The following PFKP variants were observed in gnomAD, a reference collection of about 807,000 sequenced individuals.
PFKP encodes phosphofructokinase, platelet, also known as ATP-dependent 6-phosphofructokinase, platelet type.
PFKP carries 101 observed loss-of-function variants against 94.3 expected under a neutral mutation model. The observed-to-expected ratio is 1.07, with a 90% CI of 0.91 to 1.26. The LOEUF is 1.26. PFKP is among the 50% of genes most tolerant of loss of function. The pLI is 0.00. For missense variants in PFKP, 1,145 were observed against 1,103.3 expected (o/e 1.04, Z -0.53); for synonymous variants, 573 against 432.6 (o/e 1.32, Z -4.03).
At chr10:3,067,816 G>C (rs371129323) in intron 1 of PFKP, 109 bp downstream of exon 1, 1 of 469,342 alleles carries the variant, frequency 2.1e-6, no homozygotes, top group African/African-American at 2.0e-5. Flanking sequence ...GCGATGGGGG[G>C]GACCCGGGGA....
rs933831617 is a variant in PFKP at position 3,113,721 on chromosome 10, T to C, written c.1371+203T>C. ...AGGCCCTCAGATGGAGCCCAGGGTA[T>C]GATGTGCTTTTGAATTTTCTGAAAA... On this transcript the variant is annotated intron_variant, in intron 13 of 21. Coordinates refer to ENST00000381125, the MANE Select transcript of PFKP (RefSeq NM_002627.5). Among the ~76,000 whole-genome samples the C allele has an allele frequency of 5.3e-5, 8 of 152,058 alleles. No individual in the cohort carries two copies. In the South Asian group the frequency reaches 8.3e-4, roughly 16 times the overall value.
intron 16 of PFKP, among the ~76,000 whole-genome samples, chr10:3,122,944 G>A (rs564591764): frequency 6.6e-6 from 1 of 152,336 alleles, no homozygotes; most frequent in East Asian, 1.9e-4. Context: ...CATAATAGGA[G>A]TCTGGCTCAG....
chr10:3,115,172 A>ACTT (rs1220355524), intron 13 of PFKP, among the ~76,000 whole-genome samples: 3 of 152,158 alleles, frequency 2.0e-5, no homozygotes, highest in African/African-American at 7.2e-5. Flanking sequence ...CCTGAGACAC[A>ACTT]CTTCTTGCAG....
chr10:3,104,702 T>C, intron 5 of PFKP: 1 of 258,884 alleles, frequency 3.9e-6, no homozygotes, highest in South Asian at 4.4e-5. Context: ...CATTAAGCAC[T>C]TAGTGAGTCT....
In PFKP at chr10:3,097,083, A is replaced by AAAAAAC. The variant is rs1371431545; in HGVS notation, c.187-2191_187-2190insAAAACA. Among the ~76,000 whole-genome samples, 112 of 142,110 alleles carry AAAAAAC rather than the reference A, an allele frequency of 7.9e-4. 17 individuals are homozygous for AAAAAAC. The highest frequency in any genetic ancestry group is 2.9e-3 in the African/African-American group (108 of 37,522). The allele number at this position is 142,110 out of a possible 152,430, so 93.2% of individuals were successfully genotyped here. ...ACACAGCGAGACTCCGTCTCAAAAA[A>AAAAAAC]ACAAAAAACAAAAAAACCTGGGAGT... On this transcript the variant is annotated intron_variant, in intron 2 of 21. Coordinates refer to ENST00000381125, the MANE Select transcript of PFKP (RefSeq NM_002627.5).
rs748090352 is a variant in PFKP at position 3,113,397 on chromosome 10, A to G, written c.1250A>G (p.Asn417Ser). Residue 417 changes from asparagine (N) to serine (S), a missense_variant, in exon 13 of 22, where the codon AAC becomes AGC. Physicochemically the swap from Asn to Ser is conservative, Grantham distance 46. Around this residue, in one of 3 missense-constraint regions of PFKP, gnomAD observed 1,119 missense variants for 1,062.8 expected, o/e 1.05. Coordinates refer to ENST00000381125, the MANE Select transcript of PFKP (RefSeq NM_002627.5). ...PKTNCNVAVI[N>S]VGAPAAGMNA... The stretch of plus-strand genomic sequence containing the variant: ...ACCAATTGCAACGTAGCTGTCATCA[A>G]CGTGGGGGCACCCGCGGCTGGGATG... 6 of 1,596,558 alleles carry G rather than the reference A, an allele frequency of 3.8e-6. No homozygotes were observed. Among genetic ancestry groups the G allele is most frequent in the Non-Finnish European group, 5.1e-6 (6 of 1,169,012 alleles).
At chr10:3,114,530 C>T (rs1186984058) in intron 13 of PFKP, among the ~76,000 whole-genome samples, 3 of 152,190 alleles carry the variant, frequency 2.0e-5, no homozygotes, top group Non-Finnish European at 2.9e-5. Context: ...GTGGAGACTG[C>T]GTTTATAGAT....
chr10:3,099,656 G>A (rs1039069403), intron 3 of PFKP, among the ~76,000 whole-genome samples: 2 of 152,178 alleles, frequency 1.3e-5, no homozygotes, highest in African/African-American at 4.8e-5. Context: ...CCTGAGCTCC[G>A]ACACATCAGA....
intron 17 of PFKP, among the ~76,000 whole-genome samples, chr10:3,130,567 T>C (rs577216327): frequency 1.0e-3 from 156 of 152,166 alleles, no homozygotes; most frequent in African/African-American, 3.3e-3. Flanking sequence ...ACTTGAACAA[T>C]TGTCTTTATT....
intron 10 of PFKP, 107 bp downstream of exon 10, chr10:3,109,587 TACA>T: frequency 7.4e-7 from 1 of 1,353,258 alleles, no homozygotes; most frequent in Non-Finnish European, 1.0e-6. Flanking sequence ...CACGATGCAT[TACA>T]CGGCCTTTCT....
At chr10:3,077,249 CTTTTTTTTTTTCTTT>C (rs1176360034) in intron 1 of PFKP, among the ~76,000 whole-genome samples, 1 of 108,180 alleles carries the variant, frequency 9.2e-6, no homozygotes, top group African/African-American at 3.4e-5. Context: ...CTATTCTTTA[CTTTTTTTTTTTCTTT>C]TTTTTTTTTT....
Position 3,108,751 on chromosome 10 carries a change from C to G in PFKP, c.921C>G (p.His307Gln), listed in dbSNP as rs752473997. 6.2e-7 allele frequency: 1 copy of G among 1,613,898 alleles called. No homozygotes were observed. The highest frequency in any genetic ancestry group is 8.5e-7 in the Non-Finnish European group (1 of 1,179,870). ...ACACACGTGTGACCATCCTCGGGCA[C>G]GTGCAGAGAGGAGGGACCCCTTCGG... Reference protein sequence around the residue: ...GYDTRVTILGHVQRGGTPSAF... With the variant: ...GYDTRVTILGQVQRGGTPSAF... The change falls in exon 9 of 22, where the codon CAC becomes CAG. Residue 307 changes from histidine (H) to glutamine (Q), a missense_variant. Coordinates refer to ENST00000381125, the MANE Select transcript of PFKP (RefSeq NM_002627.5).
chr10:3,106,642 T>C (rs978703464), intron 7 of PFKP, among the ~76,000 whole-genome samples: 23 of 12,204 alleles, frequency 1.9e-3, no homozygotes, highest in East Asian at 9.1e-3. Flanking sequence ...CCTGCCCCTC[T>C]CCTCACCCCT....
At chr10:3,110,704 G>C (rs1836116434) in intron 10 of PFKP, among the ~76,000 whole-genome samples, 1 of 152,120 alleles carries the variant, frequency 6.6e-6, no homozygotes, top group African/African-American at 2.4e-5. Flanking sequence ...GCGCAGGCTT[G>C]TGTCTCTGTG....
In PFKP at chr10:3,104,977, C is replaced by A. The variant is rs906583272; in HGVS notation, c.621-138C>A. 16 of 768,284 alleles carry A rather than the reference C, an allele frequency of 2.1e-5. No individual in the cohort carries two copies. The African/African-American group carries it at 2.5e-4, about 12-fold the overall frequency. The allele number at this position is 768,284 out of a possible 1,614,324, so 47.6% of individuals were successfully genotyped here. ...ATGGACCATTTTTGAAGCCTAGGTC[C>A]CTGCAGGCCTCCTGGCTAACTCGGC... On this transcript the variant is annotated intron_variant, in intron 5 of 21. Transcript: ENST00000381125.
intron 1 of PFKP, among the ~76,000 whole-genome samples, chr10:3,079,523 C>T (rs190496162): frequency 7.9e-5 from 12 of 152,090 alleles, no homozygotes; most frequent in African/African-American, 2.6e-4. Context: ...CGTGAGCCAC[C>T]GTGCCCAGCC....
chr10:3,107,349 C>A, intron 8 of PFKP, 40 bp downstream of exon 8: 1 of 1,295,504 alleles, frequency 7.7e-7, no homozygotes, highest in Non-Finnish European at 1.1e-6. Context: ...CGGTTTCTGC[C>A]TGGAAGCAGG....
intron 16 of PFKP, among the ~76,000 whole-genome samples, chr10:3,121,741 T>G (rs1837426128): frequency 6.6e-6 from 1 of 151,718 alleles, no homozygotes; most frequent in Admixed American, 6.6e-5. Flanking sequence ...GCGATTGTTT[T>G]AAATGCAGTT....
At chr10:3,093,546 G>A (rs893917329) in intron 2 of PFKP, among the ~76,000 whole-genome samples, 2 of 151,922 alleles carry the variant, frequency 1.3e-5, no homozygotes, top group African/African-American at 4.8e-5. Context: ...GAGGTGGCCT[G>A]GTTCTGCTCT....
Sources: allele counts gnomAD v4.1 joint callset (sites outside exome capture counted in the v4.1 genomes callset), GRCh38; gene constraint gnomAD v4.1.1; regional missense constraint gnomAD v4.1.1; transcripts MANE v1.5; gene names NCBI Gene and HGNC (gene_info 2026-07-23, HGNC 2026-07-21).